CMSS1: variants seen among roughly 807,000 people sequenced by gnomAD.
The protein encoded by CMSS1 is cms1 ribosomal small subunit homolog.
CMSS1 carries 33 observed loss-of-function variants against 43.5 expected under a neutral mutation model. That is an observed-to-expected ratio of 0.76 (90% CI 0.57 to 1.01). The LOEUF is 1.01. Ranked by LOEUF, CMSS1 falls within the 50% of genes least tolerant of loss-of-function variation. The probability of loss-of-function intolerance (pLI) is 0.00; values close to 1 mark genes in which losing one functional copy is unlikely to be tolerated. For missense variants in CMSS1, 313 were observed against 326.4 expected, an observed-to-expected ratio of 0.96 and a Z score of 0.32; for synonymous variants, 115 against 117.2, an observed-to-expected ratio of 0.98 and a Z score of 0.12.
chr3:99,916,333 G>A (rs879363551), intron 1 of CMSS1, among the ~76,000 whole-genome samples: 1 of 151,844 alleles, frequency 6.6e-6, no homozygotes, highest in Non-Finnish European at 1.5e-5. Context: ...CAGGTCTTTC[G>A]GCTACATGAC....
At chr3:100,070,545 A>G (rs968183085) in intron 1 of CMSS1, among the ~76,000 whole-genome samples, 2 of 152,244 alleles carry the variant, frequency 1.3e-5, no homozygotes, top group African/African-American at 4.8e-5. Context: ...AAGTGGATGT[A>G]TGGGGTTGTA....
At chr3:100,075,182 G>A (rs905593185) in intron 1 of CMSS1, among the ~76,000 whole-genome samples, 2 of 152,154 alleles carry the variant, frequency 1.3e-5, no homozygotes, top group Non-Finnish European at 2.9e-5. Context: ...AACCAGAAAT[G>A]ATCAACCTGA....
chr3:99,953,752 C>T (rs1385707034), intron 1 of CMSS1, among the ~76,000 whole-genome samples: 2 of 152,180 alleles, frequency 1.3e-5, no homozygotes, highest in Admixed American at 6.5e-5. Context: ...TTCCTAGAAA[C>T]TCAGTCTATA....
At chr3:99,888,084 G>T (rs2107611022) in intron 1 of CMSS1, among the ~76,000 whole-genome samples, 1 of 152,222 alleles carries the variant, frequency 6.6e-6, no homozygotes, top group Non-Finnish European at 1.5e-5. Context: ...ACTATCTTCG[G>T]ACAATTGGTG....
rs372255083 is a variant in CMSS1 at position 99,924,290 on chromosome 3, T to C, written c.64+106247T>C. 17 of 1,614,046 alleles carry C rather than the reference T, an allele frequency of 1.1e-5. No individual in the cohort carries two copies. The African/African-American group carries it at 2.1e-4, about 20-fold the overall frequency. On this transcript the variant is annotated intron_variant, in intron 1 of 9. Transcript: ENST00000421999. ...ATCACTCTTCTCCATGTATTCTTTA[T>C]GTTTTCTCTTTTCTTCCTCCAACTC...
chr3:100,169,011 A>G (rs1277601111), intron 6 of CMSS1, among the ~76,000 whole-genome samples: 1 of 152,078 alleles, frequency 6.6e-6, no homozygotes, highest in East Asian at 1.9e-4. Context: ...AACAGAATTG[A>G]AAGTTCAGGA....
chr3:100,063,493 TA>T (rs913873834), intron 1 of CMSS1, among the ~76,000 whole-genome samples: 1 of 151,880 alleles, frequency 6.6e-6, no homozygotes, highest in Admixed American at 6.6e-5. Context: ...GAATTTACTT[TA>T]AAAAAAAGAA....
chr3:99,828,464 T>C (rs75029464), intron 1 of CMSS1, among the ~76,000 whole-genome samples: 616 of 150,102 alleles, frequency 4.1e-3, no homozygotes, highest in Middle Eastern at 6.9e-3. Context: ...TTTTTTTTTT[T>C]CCCCACAAAC....
At chr3:99,876,420 T>G (rs1705528159) in intron 1 of CMSS1, among the ~76,000 whole-genome samples, 1 of 152,172 alleles carries the variant, frequency 6.6e-6, no homozygotes, top group Non-Finnish European at 1.5e-5. Flanking sequence ...CGCCCTCCTG[T>G]CGGGCTAACA....
chr3:100,111,347 G>C (rs756984952), intron 1 of CMSS1, among the ~76,000 whole-genome samples: 2 of 152,144 alleles, frequency 1.3e-5, no homozygotes, highest in Non-Finnish European at 2.9e-5. Flanking sequence ...TTATTTAAGA[G>C]ATTACTCCAT....
intron 1 of CMSS1, among the ~76,000 whole-genome samples, chr3:99,930,463 C>T (rs1342815073): frequency 2.6e-5 from 4 of 152,084 alleles, no homozygotes; most frequent in East Asian, 1.9e-4. Context: ...AAACCAATCC[C>T]GAAGTCATCT....
intron 9 of CMSS1, 105 bp from the exon 10 acceptor site, chr3:100,178,200 C>T (rs1465591902): frequency 6.2e-6 from 4 of 640,096 alleles, no homozygotes; most frequent in Non-Finnish European, 1.1e-5. Flanking sequence ...TGATTCTGGC[C>T]ATAACAGCTG....
intron 1 of CMSS1, among the ~76,000 whole-genome samples, chr3:99,970,291 G>A (rs1322528088): frequency 6.6e-6 from 1 of 152,236 alleles, no homozygotes; most frequent in African/African-American, 2.4e-5. Context: ...TTTAGAGGCT[G>A]CAATCACTCT....
intron 1 of CMSS1, among the ~76,000 whole-genome samples, chr3:99,823,953 C>G (rs1204273931): frequency 6.8e-6 from 1 of 148,028 alleles, no homozygotes; most frequent in African/African-American, 2.5e-5. Flanking sequence ...GCTGGAGTCT[C>G]GCCCTGTCAC....
chr3:99,922,055 C>G (rs1344228687), intron 1 of CMSS1, among the ~76,000 whole-genome samples: 1 of 152,184 alleles, frequency 6.6e-6, no homozygotes, highest in Non-Finnish European at 1.5e-5. Flanking sequence ...CTTCACATTC[C>G]CACCATAAAT....
chr3:100,146,557 G>T (rs569373474), intron 1 of CMSS1, among the ~76,000 whole-genome samples: 1 of 152,162 alleles, frequency 6.6e-6, no homozygotes, highest in Admixed American at 6.5e-5. Flanking sequence ...TATATTGTAA[G>T]AATTAAATTA....
intron 1 of CMSS1, among the ~76,000 whole-genome samples, chr3:99,966,418 AT>A (rs1403143087): frequency 2.6e-5 from 4 of 152,104 alleles, no homozygotes; most frequent in African/African-American, 9.6e-5. Context: ...TCGGCTATAT[AT>A]AGTTTTAGAG....
intron 1 of CMSS1, among the ~76,000 whole-genome samples, chr3:100,111,229 G>C (rs2066485523): frequency 6.6e-6 from 1 of 152,134 alleles, no homozygotes; most frequent in Non-Finnish European, 1.5e-5. Flanking sequence ...AGGGGGAGGA[G>C]TGAAACTTTC....
chr3:100,011,230 G>A (rs1457201983), intron 1 of CMSS1, among the ~76,000 whole-genome samples: 1 of 152,080 alleles, frequency 6.6e-6, no homozygotes, highest in Admixed American at 6.5e-5. Flanking sequence ...AGTGAGGTAG[G>A]TTATGAACTT....
Sources: gnomAD v4.1 joint callset for allele counts (sites outside exome capture counted in the v4.1 genomes callset) on GRCh38, gnomAD v4.1.1 for gene constraint, MANE v1.5 for transcripts, NCBI Gene and HGNC (gene_info 2026-07-23, HGNC 2026-07-21) for gene names.